Variants in ARSG observed in about 807,000 individuals in gnomAD.
The protein encoded by ARSG is ASG.
ARSG carries 37 observed loss-of-function variants against 50.5 expected under a neutral mutation model. The ratio of observed to expected loss-of-function variants is 0.73; its 90% CI spans 0.56 to 0.96. The LOEUF is 0.96. Among genes scored for constraint, ARSG ranks in the 50% least tolerant of loss-of-function variants. ARSG has a pLI of 0.00. For missense variants in ARSG, 629 were observed against 675.3 expected, an observed-to-expected ratio of 0.93 and a Z score of 0.76; for synonymous variants, 225 against 254.6, an observed-to-expected ratio of 0.88 and a Z score of 1.11.
At chr17:68,443,601 G>A in the ARSG span, among the ~76,000 whole-genome samples, 4 of 152,150 alleles carry the variant, frequency 2.6e-5, no homozygotes, top group South Asian at 8.3e-4. Context: ...CTGGGAGATG[G>A]GTATTATTCA....
the ARSG span, among the ~76,000 whole-genome samples, chr17:68,435,172 A>G: frequency 2.7e-5 from 4 of 149,496 alleles, no homozygotes; most frequent in Admixed American, 6.8e-5. Flanking sequence ...GCGCCATTGC[A>G]CTCCAGCCTG....
the ARSG span, among the ~76,000 whole-genome samples, chr17:68,433,894 T>TGCCTCA: frequency 6.7e-6 from 1 of 148,778 alleles, no homozygotes; most frequent in African/African-American, 2.5e-5. Flanking sequence ...GCGATTCTCC[T>TGCCTCA]GCCTCAGCCT....
intron 1 of ARSG, among the ~76,000 whole-genome samples, chr17:68,259,956 G>A (rs1367069441): frequency 6.6e-6 from 1 of 152,182 alleles, no homozygotes; most frequent in Non-Finnish European, 1.5e-5. Context: ...TGACATTCAA[G>A]CTGAAAGGGT....
intron 2 of ARSG, among the ~76,000 whole-genome samples, chr17:68,308,277 C>T (rs782167090): frequency 1.4e-4 from 21 of 152,162 alleles, no homozygotes; most frequent in Non-Finnish European, 2.8e-4. Flanking sequence ...TGCAAACCCT[C>T]GCGGTGAGTG....
rs1027968276 is a variant in ARSG, at chr17:68,399,319, A to G, written c.1213-2041A>G. On this transcript the variant is annotated intron_variant, in intron 10 of 11. Transcript: ENST00000621439. The surrounding 1 kb of genome is among the most constrained non-coding windows in gnomAD (Gnocchi z 4.6). ...GCTGTAGCTGTGCATCCCCACCTGA[A>G]TGGAGAAGAAGCCCACCTTCAGGGG... 2.6e-5 allele frequency among the ~76,000 whole-genome samples: 4 copies of G among 152,180 alleles called. No individual in the cohort carries two copies. The highest frequency in any genetic ancestry group is 2.1e-4 in the South Asian group (1 of 4,832).
At chr17:68,426,242 T>TGC (rs2083173132), downstream of ARSG, 7 of 682,844 alleles carry the variant, frequency 1.0e-5, no homozygotes, top group Non-Finnish European at 1.1e-5. Context: ...ACCTGGCGGG[T>TGC]GGGGAGCGGG....
intron 8 of ARSG, among the ~76,000 whole-genome samples, chr17:68,372,179 C>G (rs1346944661): frequency 1.3e-5 from 2 of 152,134 alleles, no homozygotes; most frequent in South Asian, 4.1e-4. Flanking sequence ...TATTAGTCCA[C>G]AGACTAATAC....
At chr17:68,300,224 G>C (rs1316900416) in intron 1 of ARSG, among the ~76,000 whole-genome samples, 1 of 152,172 alleles carries the variant, frequency 6.6e-6, no homozygotes, top group Non-Finnish European at 1.5e-5. Context: ...GGGATTACAC[G>C]TGTGGCCCAC....
At chr17:68,295,978 C>G (rs2076192688) in intron 1 of ARSG, among the ~76,000 whole-genome samples, 1 of 151,314 alleles carries the variant, frequency 6.6e-6, no homozygotes, top group Admixed American at 6.6e-5. Flanking sequence ...CTGCTCCGGC[C>G]TAAAAAATAT....
At chr17:68,345,238 G>A (rs1422948337) in intron 3 of ARSG, among the ~76,000 whole-genome samples, 2 of 152,190 alleles carry the variant, frequency 1.3e-5, no homozygotes, top group African/African-American at 4.8e-5. Context: ...ATGGAAGGCC[G>A]AGGTGGGAGG....
At chr17:68,305,199 A>C (rs2076562526) in intron 1 of ARSG, among the ~76,000 whole-genome samples, 1 of 152,212 alleles carries the variant, frequency 6.6e-6, no homozygotes, top group African/African-American at 2.4e-5. Flanking sequence ...AACTAGAGCT[A>C]ATCTAGTTTT....
chr17:68,312,345 A>G (rs1179199021), intron 2 of ARSG, among the ~76,000 whole-genome samples: 3 of 152,190 alleles, frequency 2.0e-5, no homozygotes, highest in Non-Finnish European at 2.9e-5. Flanking sequence ...TTTTGCATGT[A>G]GGAATACTTT....
chr17:68,337,563 T>C (rs1342258691), intron 2 of ARSG, among the ~76,000 whole-genome samples: 1 of 152,094 alleles, frequency 6.6e-6, no homozygotes, highest in East Asian at 1.9e-4. Flanking sequence ...ATCATGACCC[T>C]GAACAGGCAC....
intron 9 of ARSG, among the ~76,000 whole-genome samples, chr17:68,390,787 C>A (rs919584516): frequency 6.6e-6 from 1 of 152,022 alleles, no homozygotes; most frequent in Non-Finnish European, 1.5e-5. Flanking sequence ...CCATGCCTGG[C>A]TAATTTGTTT....
At chr17:68,435,222 A>T in the ARSG span, among the ~76,000 whole-genome samples, 1 of 151,326 alleles carries the variant, frequency 6.6e-6, no homozygotes, top group East Asian at 1.9e-4. Context: ...AAAAAAAAAA[A>T]TTCAATTGGA....
At chr17:68,295,671 A>ATTTTTT (rs56840354) in intron 1 of ARSG, among the ~76,000 whole-genome samples, 2 of 114,540 alleles carry the variant, frequency 1.7e-5, no homozygotes, top group Admixed American at 8.9e-5. Flanking sequence ...TCTAAGACAA[A>ATTTTTT]TTTTTTTTTT....
intron 1 of ARSG, among the ~76,000 whole-genome samples, chr17:68,286,354 T>C (rs1475586078): frequency 3.0e-4 from 46 of 152,222 alleles, no homozygotes; most frequent in African/African-American, 2.4e-5. Context: ...ATTGAGGTTA[T>C]CTTTTTCAAT....
upstream of ARSG, among the ~76,000 whole-genome samples, chr17:68,288,472 G>A (rs73998073): frequency 6.6e-6 from 1 of 152,106 alleles, no homozygotes; most frequent in Non-Finnish European, 1.5e-5. Flanking sequence ...TTTATCTGAC[G>A]GGTAGGGATA....
the ARSG span, chr17:68,433,496 T>C: frequency 2.5e-6 from 4 of 1,613,992 alleles, no homozygotes; most frequent in Admixed American, 3.3e-5. Flanking sequence ...AGCTTGAAGA[T>C]GTGTACCGTC....
Sources: allele counts gnomAD v4.1 joint callset (sites outside exome capture counted in the v4.1 genomes callset), GRCh38; gene constraint gnomAD v4.1.1; non-coding constraint Gnocchi (gnomAD v3.1); transcripts MANE v1.5; gene names NCBI Gene and HGNC (gene_info 2026-07-23, HGNC 2026-07-21).